Variants in PCDH15 observed in about 807,000 individuals in gnomAD.
PCDH15 encodes the protein protocadherin related 15.
PCDH15 carries 129 observed loss-of-function variants against 178.5 expected under a neutral mutation model. The observed-to-expected ratio is 0.72, with a 90% CI of 0.63 to 0.84. The LOEUF (loss-of-function observed/expected upper bound fraction) is 0.84, where lower values mean the gene tolerates loss of function less well. Among genes scored for constraint, PCDH15 ranks in the 40% least tolerant of loss-of-function variants. PCDH15 has a pLI of 0.00. For missense variants in PCDH15, 2,230 were observed against 2,099.9 expected, an observed-to-expected ratio of 1.06 and a Z score of -1.21; for synonymous variants, 800 against 732.0, an observed-to-expected ratio of 1.09 and a Z score of -1.50.
At chr10:54,431,415 G>A (rs557623944) in intron 3 of PCDH15, among the ~76,000 whole-genome samples, 2 of 152,256 alleles carry the variant, frequency 1.3e-5, no homozygotes, top group East Asian at 1.9e-4. Context: ...AATATGACAA[G>A]TGAGATTTAT....
chr10:54,608,544 T>C (rs1170573532), intron 2 of PCDH15, among the ~76,000 whole-genome samples: 2 of 152,044 alleles, frequency 1.3e-5, no homozygotes, highest in Non-Finnish European at 2.9e-5. Flanking sequence ...CCAGGATATC[T>C]AGGCTGCAGT....
intron 1 of PCDH15, among the ~76,000 whole-genome samples, chr10:55,183,824 A>G (rs139455081): frequency 3.0e-4 from 46 of 152,042 alleles, no homozygotes; most frequent in African/African-American, 1.1e-3. Flanking sequence ...GTTTATCCCT[A>G]TTTGCCTTGC....
At chr10:54,543,595 T>C (rs554564387) in intron 2 of PCDH15, among the ~76,000 whole-genome samples, 1 of 152,310 alleles carries the variant, frequency 6.6e-6, no homozygotes, top group African/African-American at 2.4e-5. Flanking sequence ...TTTTTAAAAA[T>C]AATATTTCAT....
intron 14 of PCDH15, among the ~76,000 whole-genome samples, chr10:54,151,327 G>A (rs1264212597): frequency 1.3e-5 from 2 of 152,026 alleles, no homozygotes; most frequent in South Asian, 2.1e-4. Context: ...GATCAGTAGA[G>A]GCCAAGAGCT....
chr10:53,919,203 A>C (rs1564768227), intron 25 of PCDH15, among the ~76,000 whole-genome samples: 1 of 152,154 alleles, frequency 6.6e-6, no homozygotes, highest in Non-Finnish European at 1.5e-5. Context: ...ATCTTCCCAA[A>C]TTTCAGAGAT....
chr10:55,265,717 G>A (rs923103627), intron 1 of PCDH15, among the ~76,000 whole-genome samples: 4 of 152,058 alleles, frequency 2.6e-5, no homozygotes, highest in African/African-American at 9.7e-5. Flanking sequence ...AAACCCCACT[G>A]CCTTCCTGGA....
chr10:53,823,034 C>G, intron 32 of PCDH15: 1 of 1,613,908 alleles, frequency 6.2e-7, no homozygotes, highest in Middle Eastern at 1.7e-4. Context: ...CTCTTGGGCC[C>G]CTCAGAGACT....
chr10:54,891,196 C>T (rs1030795298), intron 3 of PCDH15, among the ~76,000 whole-genome samples: 1 of 151,968 alleles, frequency 6.6e-6, no homozygotes, highest in East Asian at 1.9e-4. Context: ...ACCATCATGT[C>T]TATTCTATTC....
chr10:55,268,750 G>A (rs535049114), intron 1 of PCDH15, among the ~76,000 whole-genome samples: 1 of 152,224 alleles, frequency 6.6e-6, no homozygotes, highest in South Asian at 2.1e-4. Flanking sequence ...TTGGCATAGT[G>A]TTTGCAAGTT....
chr10:54,052,422 G>A (rs2093796807), intron 18 of PCDH15, among the ~76,000 whole-genome samples: 1 of 152,176 alleles, frequency 6.6e-6, no homozygotes, highest in African/African-American at 2.4e-5. Flanking sequence ...AATCAAAGGA[G>A]GTCATTTTGA....
chr10:54,219,638 T>C (rs2052562629), intron 9 of PCDH15, among the ~76,000 whole-genome samples: 1 of 136,092 alleles, frequency 7.3e-6, no homozygotes, highest in East Asian at 2.2e-4. Flanking sequence ...GAATTATCAA[T>C]CCCAACGTGT....
chr10:54,424,085 G>A (rs190061487), intron 3 of PCDH15, among the ~76,000 whole-genome samples: 7 of 151,870 alleles, frequency 4.6e-5, no homozygotes, highest in East Asian at 1.9e-4. Flanking sequence ...GCAACCTACA[G>A]AATGGGAGAA....
At chr10:53,942,277 T>G (rs2086134155) in intron 23 of PCDH15, among the ~76,000 whole-genome samples, 1 of 122,252 alleles carries the variant, frequency 8.2e-6, no homozygotes, top group African/African-American at 2.9e-5. Context: ...TTACTTATTT[T>G]ACTGTCCTGC....
intron 8 of PCDH15, among the ~76,000 whole-genome samples, chr10:54,271,921 C>G (rs888517359): frequency 6.7e-6 from 1 of 148,508 alleles, no homozygotes; most frequent in African/African-American, 2.5e-5. Context: ...GTTTGTCATC[C>G]TTAGAGCCAG....
At chr10:53,831,962 T>G (rs1250655201) in intron 29 of PCDH15, among the ~76,000 whole-genome samples, 1 of 152,160 alleles carries the variant, frequency 6.6e-6, no homozygotes, top group Non-Finnish European at 1.5e-5. Context: ...ATTACAATAC[T>G]GATTTATTGC....
chr10:55,299,558 C>T (rs554150332), intron 1 of PCDH15, among the ~76,000 whole-genome samples: 6 of 152,260 alleles, frequency 3.9e-5, no homozygotes, highest in African/African-American at 9.6e-5. Context: ...TTTTCTAATT[C>T]GCCAAGCTTT....
intron 26 of PCDH15, among the ~76,000 whole-genome samples, chr10:53,878,864 C>T (rs2080480027): frequency 6.6e-6 from 1 of 152,000 alleles, no homozygotes; most frequent in African/African-American, 2.4e-5. Context: ...TTAGTTCTAC[C>T]ACTTATTAGA....
intron 2 of PCDH15, among the ~76,000 whole-genome samples, chr10:54,647,911 C>T (rs1157065168): frequency 2.0e-5 from 3 of 151,962 alleles, no homozygotes; most frequent in African/African-American, 7.2e-5. Flanking sequence ...TACCACTGCC[C>T]TCTTGCTTAA....
intron 3 of PCDH15, among the ~76,000 whole-genome samples, chr10:54,428,673 A>G (rs1253551508): frequency 6.6e-6 from 1 of 152,194 alleles, no homozygotes; most frequent in African/African-American, 2.4e-5. Flanking sequence ...GATAAAGAAA[A>G]TATCCCAAAA....
Sources: gnomAD v4.1 joint callset for allele counts (sites outside exome capture counted in the v4.1 genomes callset) on GRCh38, gnomAD v4.1.1 for gene constraint, MANE v1.5 for transcripts, NCBI Gene and HGNC (gene_info 2026-07-23, HGNC 2026-07-21) for gene names.